Variants in ASCC3 observed in about 807,000 individuals in gnomAD.
ASCC3 encodes activating signal cointegrator 1 complex subunit 3.
In ASCC3, 158 loss-of-function variants were observed where a neutral mutation model predicts 256.3. That is an observed-to-expected ratio of 0.62 (90% CI 0.54 to 0.70). The LOEUF is 0.70. Among genes scored for constraint, ASCC3 ranks in the 30% least tolerant of loss-of-function variants. The pLI, the probability that ASCC3 is intolerant of heterozygous loss-of-function variation, is 0.00. For missense variants in ASCC3, 2,259 were observed against 2,626.0 expected, an observed-to-expected ratio of 0.86 and a Z score of 3.05; for synonymous variants, 948 against 883.4, an observed-to-expected ratio of 1.07 and a Z score of -1.30.
chr6:100,773,939 T>C (rs1198546649), intron 8 of ASCC3, among the ~76,000 whole-genome samples: 1 of 152,210 alleles, frequency 6.6e-6, no homozygotes, highest in African/African-American at 2.4e-5. Flanking sequence ...AAAAAACCTA[T>C]TTCTTTGTTT....
At chr6:100,785,634 A>C (rs1769030823) in intron 8 of ASCC3, among the ~76,000 whole-genome samples, 1 of 151,740 alleles carries the variant, frequency 6.6e-6, no homozygotes, top group Non-Finnish European at 1.5e-5. Context: ...CTGGCCTTGA[A>C]CTCCTAGGCC....
At chr6:100,582,915 C>T (rs545530592) in intron 36 of ASCC3, among the ~76,000 whole-genome samples, 1 of 152,140 alleles carries the variant, frequency 6.6e-6, no homozygotes, top group African/African-American at 2.4e-5. Flanking sequence ...ATTGAACCAG[C>T]CTTGCATCCC....
intron 13 of ASCC3, among the ~76,000 whole-genome samples, chr6:100,710,430 A>C (rs1017734276): frequency 6.6e-6 from 1 of 152,168 alleles, no homozygotes; most frequent in South Asian, 2.1e-4. Flanking sequence ...CTACTGTGAA[A>C]CTAGCCCTCC....
At chr6:100,829,900 G>C (rs1422549122) in intron 4 of ASCC3, among the ~76,000 whole-genome samples, 1 of 151,950 alleles carries the variant, frequency 6.6e-6, no homozygotes, top group South Asian at 2.1e-4. Flanking sequence ...GTAGAATAAG[G>C]GTTACTGAAC....
chr6:100,608,138 ATATATATC>A (rs1467697410), intron 30 of ASCC3, among the ~76,000 whole-genome samples: 1 of 124,286 alleles, frequency 8.0e-6, no homozygotes, highest in African/African-American at 3.1e-5. Context: ...ATATATATGT[ATATATATC>A]TATATATACA....
At chr6:100,634,069 C>G (rs955242563) in intron 25 of ASCC3, among the ~76,000 whole-genome samples, 2 of 152,016 alleles carry the variant, frequency 1.3e-5, no homozygotes, top group Non-Finnish European at 2.9e-5. Context: ...TTATAAAGAA[C>G]ATAGTATTGC....
intron 36 of ASCC3, among the ~76,000 whole-genome samples, chr6:100,589,140 A>G (rs915611896): frequency 6.6e-6 from 1 of 152,110 alleles, no homozygotes; most frequent in East Asian, 1.9e-4. Context: ...ACCATGTGAT[A>G]TATCTGTGGT....
chr6:100,543,595 G>T (rs949732071), intron 36 of ASCC3, among the ~76,000 whole-genome samples: 1 of 151,946 alleles, frequency 6.6e-6, no homozygotes, highest in Admixed American at 6.6e-5. Context: ...TCAGAGCAAA[G>T]ATTATCATCA....
chr6:100,555,276 G>A lies in ASCC3; in HGVS notation c.5551-14889C>T, dbSNP rs545819002. Among the ~76,000 whole-genome samples, 4 of 152,246 alleles carry A rather than the reference G, an allele frequency of 2.6e-5. No individual in the cohort carries two copies. In the South Asian group the frequency reaches 8.3e-4, roughly 32 times the overall value. On this transcript the variant is annotated intron_variant, in intron 36 of 41. Coordinates refer to ENST00000369162, the MANE Select transcript of ASCC3 (RefSeq NM_006828.4). ...TATCATGTAAATGGTAAAAATATAA[G>A]TACTAATGTCTATCATTGTAATTCT...
At chr6:100,560,565 CTTT>C (rs995817709) in intron 36 of ASCC3, among the ~76,000 whole-genome samples, 1 of 152,078 alleles carries the variant, frequency 6.6e-6, no homozygotes, top group Non-Finnish European at 1.5e-5. Context: ...TGATATCCCT[CTTT>C]TGCTGCCCTC....
chr6:100,583,180 C>G (rs1329842411), intron 36 of ASCC3, among the ~76,000 whole-genome samples: 1 of 152,128 alleles, frequency 6.6e-6, no homozygotes, highest in African/African-American at 2.4e-5. Context: ...CCTCCTTGTA[C>G]CTCTTGTACA....
At chr6:100,783,177 G>T (rs1449396886) in intron 8 of ASCC3, among the ~76,000 whole-genome samples, 1 of 152,062 alleles carries the variant, frequency 6.6e-6, no homozygotes, top group African/African-American at 2.4e-5. Context: ...AAAATAGTAA[G>T]TTAAATTACT....
intron 32 of ASCC3, 143 bp from the exon 33 acceptor site, chr6:100,605,843 A>G: frequency 1.1e-6 from 1 of 916,466 alleles, no homozygotes; most frequent in Non-Finnish European, 1.7e-6. Flanking sequence ...GTTGATGGCT[A>G]CTACTACGTT....
rs578212575 is a variant in ASCC3, at chr6:100,578,404, C to A, written c.5550+11230G>T. 1.8e-4 allele frequency among the ~76,000 whole-genome samples: 28 copies of A among 151,826 alleles called. No homozygotes were observed. In the East Asian group the frequency reaches 5.2e-3, roughly 28 times the overall value. ...AGTACTCAATAGGTAGTTTTTTGAT[C>A]CTCTCCCTCCTCCCAGCCTACACAT... is the stretch of plus-strand genomic sequence containing the variant. On this transcript the variant is annotated intron_variant, in intron 36 of 41. Coordinates refer to ENST00000369162, the MANE Select transcript of ASCC3 (RefSeq NM_006828.4).
intron 8 of ASCC3, among the ~76,000 whole-genome samples, chr6:100,780,783 A>C (rs931675454): frequency 6.6e-6 from 1 of 152,198 alleles, no homozygotes; most frequent in Non-Finnish European, 1.5e-5. Flanking sequence ...AAATTGACTC[A>C]ATCACTCATA....
At chr6:100,532,241 C>T (rs764532664) in intron 37 of ASCC3, among the ~76,000 whole-genome samples, 4 of 150,670 alleles carry the variant, frequency 2.7e-5, no homozygotes, top group Non-Finnish European at 4.4e-5. Context: ...CAAGCATACA[C>T]GATGCAAAAT....
At chr6:100,569,680 C>T (rs1279654479) in intron 36 of ASCC3, among the ~76,000 whole-genome samples, 1 of 152,132 alleles carries the variant, frequency 6.6e-6, no homozygotes, top group African/African-American at 2.4e-5. Flanking sequence ...CGGTCGGTTA[C>T]TGTAACCTTT....
In ASCC3 at chr6:100,629,153, G is replaced by A; in HGVS notation, c.4237C>T (p.Pro1413Ser). Reference protein sequence around the residue: ...KVIELTGDVTPDMKSIAKADL... With the variant: ...KVIELTGDVTSDMKSIAKADL... ...GCCTTGGCAATGGATTTCATATCAG[G>A]AGTCACATCCCCTGTTAGTTCAATA... The change falls in exon 27 of 42, where the codon CCT (proline) becomes TCT (serine). Residue 1413 changes from proline (P) to serine (S), a missense_variant. Physicochemically the swap from Pro to Ser is moderately conservative, Grantham distance 74 (BLOSUM62 -1). This residue lies in a region of ASCC3 where 1,839 missense variants were observed against 2,206.7 expected (regional missense o/e 0.83). Coordinates refer to ENST00000369162, the MANE Select transcript of ASCC3 (RefSeq NM_006828.4). The A allele has an allele frequency of 1.9e-6, 3 of 1,613,514 alleles. No homozygotes were observed. Among genetic ancestry groups the A allele is most frequent in the Non-Finnish European group, 2.5e-6 (3 of 1,179,688 alleles).
At chr6:100,833,721 T>C (rs564543458) in intron 4 of ASCC3, among the ~76,000 whole-genome samples, 102 of 152,276 alleles carry the variant, frequency 6.7e-4, no homozygotes, top group African/African-American at 2.3e-3. Flanking sequence ...CTGGTAAATG[T>C]TTGTAAAACT....
Sources: gnomAD v4.1 joint callset for allele counts (sites outside exome capture counted in the v4.1 genomes callset) on GRCh38, gnomAD v4.1.1 for gene constraint, gnomAD v4.1.1 regional missense constraint, MANE v1.5 for transcripts, NCBI Gene and HGNC (gene_info 2026-07-23, HGNC 2026-07-21) for gene names.